Variants in KLF12 observed in about 807,000 individuals in gnomAD.
The protein encoded by KLF12 is KLF transcription factor 12.
Under a neutral mutation model 37.8 loss-of-function variants are expected in KLF12, and 9 were observed. The ratio of observed to expected loss-of-function variants is 0.24; its 90% CI spans 0.14 to 0.42. KLF12 has a LOEUF of 0.42. KLF12 is among the 10% of genes least tolerant of loss of function. The pLI is 1.00. For synonymous variants in KLF12, 208 were observed against 202.1 expected (o/e 1.03, Z -0.25); for missense variants, 411 against 516.0 (o/e 0.80, Z 1.97).
At chr13:73,954,026 TAGAG>T (rs1890744268) in intron 2 of KLF12, among the ~76,000 whole-genome samples, 1 of 137,904 alleles carries the variant, frequency 7.3e-6, no homozygotes, top group Admixed American at 8.0e-5. Flanking sequence ...TTGCCCAGGC[TAGAG>T]TGCAGTGACG....
At chr13:73,956,526 G>A (rs1890838301) in intron 2 of KLF12, among the ~76,000 whole-genome samples, 1 of 152,164 alleles carries the variant, frequency 6.6e-6, no homozygotes, top group African/African-American at 2.4e-5. Flanking sequence ...CATCAAAAAT[G>A]CCTTCAGAAA....
At chr13:73,813,918 G>GA (rs111441522) in intron 4 of KLF12, among the ~76,000 whole-genome samples, 6,454 of 152,220 alleles carry the variant, frequency 0.042, 207 homozygotes, top group African/African-American at 0.093. Context: ...ACTCTATCCT[G>GA]TTTTACTTTT....
intron 2 of KLF12, among the ~76,000 whole-genome samples, chr13:73,986,031 G>A (rs559993535): frequency 2.0e-5 from 3 of 152,258 alleles, no homozygotes; most frequent in Non-Finnish European, 4.4e-5. Flanking sequence ...GTAAGTAAGT[G>A]CATGCTATCA....
At chr13:74,148,212 G>T in the KLF12 span, among the ~76,000 whole-genome samples, 2 of 151,896 alleles carry the variant, frequency 1.3e-5, no homozygotes, top group Non-Finnish European at 1.5e-5. Context: ...ACCACCCCCG[G>T]CCTGTTCTCT....
At chr13:73,845,736 T>C (rs1884975253) in intron 4 of KLF12, 91 bp downstream of exon 4, 2 of 1,139,154 alleles carry the variant, frequency 1.8e-6, no homozygotes, top group Non-Finnish European at 2.5e-6. Flanking sequence ...TCTTTAGATG[T>C]AGTGTTTGTA....
the KLF12 span, among the ~76,000 whole-genome samples, chr13:74,261,351 A>G: frequency 7.2e-5 from 11 of 152,212 alleles, no homozygotes; most frequent in African/African-American, 1.7e-4. Flanking sequence ...TGCAATTTCC[A>G]TAATATATAC....
At chr13:73,809,103 T>C (rs1882795578) in intron 5 of KLF12, among the ~76,000 whole-genome samples, 1 of 152,348 alleles carries the variant, frequency 6.6e-6, no homozygotes, top group Admixed American at 6.5e-5. Context: ...CTGTAATATA[T>C]AGAAAACTTC....
At chr13:74,035,954 C>G (rs1407072055) in intron 1 of KLF12, among the ~76,000 whole-genome samples, 1 of 151,970 alleles carries the variant, frequency 6.6e-6, no homozygotes, top group Non-Finnish European at 1.5e-5. Context: ...AGGGAAGAAC[C>G]TCATCTTAAA....
chr13:73,881,756 A>G (rs905429439), intron 3 of KLF12, among the ~76,000 whole-genome samples: 1 of 152,162 alleles, frequency 6.6e-6, no homozygotes, highest in Non-Finnish European at 1.5e-5. Context: ...ACTTAAAACA[A>G]TTCTCCACTT....
chr13:73,983,550 A>C (rs1330074323), intron 2 of KLF12, among the ~76,000 whole-genome samples: 1 of 152,180 alleles, frequency 6.6e-6, no homozygotes, highest in East Asian at 1.9e-4. Context: ...TTCTGCATAC[A>C]AACTATTGCT....
intron 6 of KLF12, among the ~76,000 whole-genome samples, chr13:73,731,006 T>C (rs1877018827): frequency 6.6e-6 from 1 of 152,188 alleles, no homozygotes; most frequent in South Asian, 2.1e-4. Flanking sequence ...GAGAAGGTGA[T>C]TAAAGTCAAG....
intron 1 of KLF12, among the ~76,000 whole-genome samples, chr13:74,100,468 A>G (rs1212285664): frequency 1.3e-5 from 2 of 152,062 alleles, no homozygotes; most frequent in Non-Finnish European, 2.9e-5. Context: ...AAATACAAAA[A>G]TCAGCTAGGT....
chr13:74,265,626 A>C, the KLF12 span, among the ~76,000 whole-genome samples: 1 of 152,326 alleles, frequency 6.6e-6, no homozygotes, highest in East Asian at 1.9e-4. Flanking sequence ...GTAGAAATGT[A>C]TGATGTTCAG....
At chr13:74,116,275 T>C (rs1048651134) in intron 1 of KLF12, among the ~76,000 whole-genome samples, 1 of 152,066 alleles carries the variant, frequency 6.6e-6, no homozygotes, top group Admixed American at 6.5e-5. Flanking sequence ...ATTTCTTTGC[T>C]CCTAGGGAAA....
rs74848269 is a variant in KLF12, at chr13:73,862,337, A to G, written c.124-15964T>C. Among the ~76,000 whole-genome samples the G allele has an allele frequency of 5.8e-3, 887 of 152,316 alleles. 4 individuals carry two copies. Among genetic ancestry groups the G allele is most frequent in the African/African-American group, 0.02 (838 of 41,572 alleles). Reference sequence around the variant, plus strand: ...TCACAACATCTCAATATAAAAAACTATCATGAATCACATTTTACAGATAGG... The same window carrying G: ...TCACAACATCTCAATATAAAAAACTGTCATGAATCACATTTTACAGATAGG... On this transcript the variant is annotated intron_variant, in intron 3 of 7. Transcript: ENST00000377669.
At chr13:73,845,368 A>G (rs1254232800) in intron 4 of KLF12, among the ~76,000 whole-genome samples, 1 of 152,202 alleles carries the variant, frequency 6.6e-6, no homozygotes, top group Admixed American at 6.5e-5. Context: ...AGGCACTGCA[A>G]CTTCACAACA....
intron 7 of KLF12, among the ~76,000 whole-genome samples, chr13:73,709,394 T>A (rs1424802042): frequency 6.6e-6 from 1 of 152,150 alleles, no homozygotes; most frequent in Non-Finnish European, 1.5e-5. Flanking sequence ...TCCAAATTAA[T>A]TGTTGGTCAC....
At chr13:73,760,286 A>C (rs528507394) in intron 6 of KLF12, among the ~76,000 whole-genome samples, 1 of 152,286 alleles carries the variant, frequency 6.6e-6, no homozygotes, top group East Asian at 1.9e-4. Context: ...GGTTAGAGAA[A>C]ACTACAAAAT....
intron 3 of KLF12, among the ~76,000 whole-genome samples, chr13:73,850,509 G>A (rs556930362): frequency 1.3e-5 from 2 of 152,256 alleles, no homozygotes; most frequent in South Asian, 2.1e-4. Flanking sequence ...TTAAATGATG[G>A]TCGTATATTT....
Sources: gnomAD v4.1 joint callset for allele counts (sites outside exome capture counted in the v4.1 genomes callset) on GRCh38, gnomAD v4.1.1 for gene constraint, MANE v1.5 for transcripts, NCBI Gene and HGNC (gene_info 2026-07-23, HGNC 2026-07-21) for gene names.